Variants in PREX2 observed in about 807,000 individuals in gnomAD.
PREX2 encodes the protein phosphatidylinositol 3,4,5-trisphosphate-dependent Rac exchanger 2 protein.
PREX2 carries 107 observed loss-of-function variants against 203.2 expected under a neutral mutation model. That is an observed-to-expected ratio of 0.53 (90% CI 0.45 to 0.62). The LOEUF (loss-of-function observed/expected upper bound fraction) is 0.62, where lower values mean the gene tolerates loss of function less well. Among genes scored for constraint, PREX2 ranks in the 20% least tolerant of loss-of-function variants. The pLI is 0.00. For synonymous variants in PREX2, 672 were observed against 663.6 expected (o/e 1.01, Z -0.19); for missense variants, 1,777 against 1,955.9 (o/e 0.91, Z 1.72).
intron 1 of PREX2, among the ~76,000 whole-genome samples, chr8:67,968,685 G>T (rs899910854): frequency 6.6e-6 from 1 of 152,066 alleles, no homozygotes; most frequent in Non-Finnish European, 1.5e-5. Flanking sequence ...GAAATCTTTC[G>T]CATCCACTTC....
chr8:67,976,365 T>C (rs916526098), intron 1 of PREX2, among the ~76,000 whole-genome samples: 4 of 151,066 alleles, frequency 2.6e-5, no homozygotes, highest in African/African-American at 9.8e-5. Context: ...CCCTGGAATA[T>C]GAAACACTGA....
intron 10 of PREX2, among the ~76,000 whole-genome samples, chr8:68,060,252 AT>A (rs1808808201): frequency 6.6e-6 from 1 of 152,308 alleles, no homozygotes; most frequent in African/African-American, 2.4e-5. Flanking sequence ...TGGGAACCAC[AT>A]TAAAGACAGT....
intron 1 of PREX2, among the ~76,000 whole-genome samples, chr8:67,979,149 T>C (rs1169721682): frequency 1.3e-5 from 2 of 152,180 alleles, no homozygotes; most frequent in Admixed American, 1.3e-4. Flanking sequence ...AGCTGAAGTT[T>C]CTGTGTACTG....
intron 33 of PREX2, among the ~76,000 whole-genome samples, chr8:68,141,379 C>T (rs1811227068): frequency 6.6e-6 from 1 of 152,100 alleles, no homozygotes. Flanking sequence ...GTGTGGGTGC[C>T]ATCATGGATG....
chr8:68,183,174 C>T (rs1170213603), intron 35 of PREX2, among the ~76,000 whole-genome samples: 1 of 152,008 alleles, frequency 6.6e-6, no homozygotes, highest in African/African-American at 2.4e-5. Context: ...TGTATTTATG[C>T]TTTACAAAGG....
chr8:68,207,262 A>G (rs953542741), intron 37 of PREX2, among the ~76,000 whole-genome samples: 30 of 152,200 alleles, frequency 2.0e-4, no homozygotes, highest in African/African-American at 7.0e-4. Flanking sequence ...AAGAAGAATC[A>G]TATCCCATTT....
chr8:68,145,123 A>C (rs1024805152), intron 33 of PREX2, among the ~76,000 whole-genome samples: 1 of 152,178 alleles, frequency 6.6e-6, no homozygotes, highest in Non-Finnish European at 1.5e-5. Flanking sequence ...TTTAGAAATC[A>C]GAAAAAAAAG....
At chr8:68,127,780 A>G (rs981197083) in intron 31 of PREX2, among the ~76,000 whole-genome samples, 1 of 152,122 alleles carries the variant, frequency 6.6e-6, no homozygotes, top group African/African-American at 2.4e-5. Context: ...ATGTATGTAA[A>G]CATTTTACAA....
intron 34 of PREX2, among the ~76,000 whole-genome samples, chr8:68,153,566 G>C (rs2129613843): frequency 6.6e-6 from 1 of 152,092 alleles, no homozygotes; most frequent in African/African-American, 2.4e-5. Flanking sequence ...TGAGAACTAA[G>C]GAAATTAGAC....
intron 1 of PREX2, among the ~76,000 whole-genome samples, chr8:68,007,602 G>A (rs1807131973): frequency 6.6e-6 from 1 of 152,148 alleles, no homozygotes; most frequent in Non-Finnish European, 1.5e-5. Flanking sequence ...GACACTCGAT[G>A]TACCAGTTAC....
At chr8:67,966,443 C>CTTA (rs1805781052) in intron 1 of PREX2, among the ~76,000 whole-genome samples, 1 of 148,996 alleles carries the variant, frequency 6.7e-6, no homozygotes. Flanking sequence ...TTTTTTTTTC[C>CTTA]AAATAATACA....
intron 35 of PREX2, among the ~76,000 whole-genome samples, chr8:68,166,086 A>G (rs112343845): frequency 0.021 from 3,274 of 152,280 alleles, 131 homozygotes; most frequent in African/African-American, 0.075. Flanking sequence ...AGGCTGAAGG[A>G]GGCAGTTCTC....
intron 9 of PREX2, among the ~76,000 whole-genome samples, chr8:68,054,856 A>G (rs1037527749): frequency 2.6e-5 from 4 of 152,134 alleles, no homozygotes; most frequent in Admixed American, 1.3e-4. Flanking sequence ...CCTTTGCCCA[A>G]TACACCTCCC....
chr8:68,078,697 G>C (rs1453276475), intron 15 of PREX2, among the ~76,000 whole-genome samples: 1 of 152,110 alleles, frequency 6.6e-6, no homozygotes, highest in Non-Finnish European at 1.5e-5. Flanking sequence ...GGTCCTTGAA[G>C]AACAAACTAT....
chr8:67,952,578 G>T, intron 1 of PREX2, 43 bp downstream of exon 1: 1 of 1,588,076 alleles, frequency 6.3e-7, no homozygotes. Context: ...CGGGCGGCGC[G>T]GGGCGCGGGT....
Position 68,231,673 on chromosome 8 carries a change from AT to A in PREX2, c.*296del. The A allele has an allele frequency of 3.7e-6, 1 of 273,658 alleles. No homozygotes were observed. The highest frequency in any genetic ancestry group is 6.8e-6 in the Non-Finnish European group (1 of 147,366). The allele number at this position is 273,658 out of a possible 1,614,324, so 17.0% of individuals were successfully genotyped here. On this transcript the variant is annotated 3_prime_UTR_variant, in exon 40 of 40. Coordinates refer to ENST00000288368, the MANE Select transcript of PREX2 (RefSeq NM_024870.4). ...CCATCCCTGGGACATAAAGAAAAAA[AT>A]ATTAGAGATTTAAAAATTAACCACC... is the stretch of plus-strand genomic sequence containing the variant.
At chr8:68,023,150 G>A (rs1199575825) in intron 4 of PREX2, among the ~76,000 whole-genome samples, 2 of 152,130 alleles carry the variant, frequency 1.3e-5, no homozygotes, top group African/African-American at 4.8e-5. Context: ...GACATTAAAC[G>A]TGGAATTGAT....
intron 39 of PREX2, among the ~76,000 whole-genome samples, chr8:68,226,067 C>T (rs866361337): frequency 2.0e-5 from 3 of 151,820 alleles, no homozygotes; most frequent in East Asian, 1.9e-4. Context: ...TAAAAACACT[C>T]GAAACGAAAC....
intron 3 of PREX2, among the ~76,000 whole-genome samples, chr8:68,021,669 T>A (rs1807571325): frequency 6.6e-6 from 1 of 152,242 alleles, no homozygotes; most frequent in Non-Finnish European, 1.5e-5. Context: ...TTCTTCTACA[T>A]ACATTCCTTA....
Sources: gnomAD v4.1 joint callset for allele counts (sites outside exome capture counted in the v4.1 genomes callset) on GRCh38, gnomAD v4.1.1 for gene constraint, MANE v1.5 for transcripts, NCBI Gene and HGNC (gene_info 2026-07-23, HGNC 2026-07-21) for gene names.